Variants in HECW1 observed in about 807,000 individuals in gnomAD.
HECW1 encodes the protein HECT, C2 and WW domain containing E3 ubiquitin protein ligase 1, also known as E3 ubiquitin-protein ligase HECW1.
HECW1 carries 61 observed loss-of-function variants against 182.3 expected under a neutral mutation model. That is an observed-to-expected ratio of 0.33 (90% CI 0.27 to 0.41). HECW1 has a LOEUF of 0.41. Among genes scored for constraint, HECW1 ranks in the 10% least tolerant of loss-of-function variants. HECW1 has a pLI of 1.00. For synonymous variants in HECW1, 859 were observed against 832.6 expected (o/e 1.03, Z -0.55); for missense variants, 1,739 against 2,108.9 (o/e 0.82, Z 3.44).
In HECW1 at chr7:43,432,267, G is replaced by A. The variant is rs979872546; in HGVS notation, c.802-5736G>A. The stretch of plus-strand genomic sequence containing the variant: ...CCATTCTCCTGCCTCAGCCTCCCAA[G>A]TAGCTGGGACTACAGGCGCCCGCCA... On this transcript the variant is annotated intron_variant, in intron 8 of 29. Transcript: ENST00000395891. This position sits in a 1 kb window ranked among gnomAD's most constrained non-coding sequence, Gnocchi z 4.1. Among the ~76,000 whole-genome samples, 1 of 150,556 alleles carries A rather than the reference G, an allele frequency of 6.6e-6. No individual in the cohort carries two copies. The highest frequency in any genetic ancestry group is 1.5e-5 in the Non-Finnish European group (1 of 67,262).
At chr7:43,155,086 G>A (rs1019598238) in intron 2 of HECW1, among the ~76,000 whole-genome samples, 2 of 152,154 alleles carry the variant, frequency 1.3e-5, no homozygotes, top group South Asian at 4.1e-4. Context: ...GTAAATTCAT[G>A]CACCTCCTGA....
intron 2 of HECW1, among the ~76,000 whole-genome samples, chr7:43,159,949 G>A (rs758742956): frequency 6.6e-6 from 1 of 152,122 alleles, no homozygotes; most frequent in Non-Finnish European, 1.5e-5. Context: ...AAAGTGCTGC[G>A]ATTACAGGCG....
At chr7:43,194,710 T>C (rs1301377700) in intron 2 of HECW1, among the ~76,000 whole-genome samples, 2 of 151,864 alleles carry the variant, frequency 1.3e-5, no homozygotes, top group African/African-American at 4.8e-5. Flanking sequence ...TTTTTTTTTT[T>C]TGAGATGGAG....
At chr7:43,408,102 G>A (rs185438599) in intron 8 of HECW1, among the ~76,000 whole-genome samples, 1 of 152,288 alleles carries the variant, frequency 6.6e-6, no homozygotes, top group Non-Finnish European at 1.5e-5. Context: ...GAGCAAGGGT[G>A]TCAAATCTTA....
chr7:43,485,969 AT>A (rs763186476), intron 17 of HECW1, among the ~76,000 whole-genome samples: 1 of 151,936 alleles, frequency 6.6e-6, no homozygotes, highest in Non-Finnish European at 1.5e-5. Flanking sequence ...TTAACTCATC[AT>A]TTACATTAGG....
At chr7:43,385,715 G>T (rs908732215) in intron 6 of HECW1, among the ~76,000 whole-genome samples, 1 of 152,164 alleles carries the variant, frequency 6.6e-6, no homozygotes, top group Non-Finnish European at 1.5e-5. Flanking sequence ...CTACAATCAG[G>T]CAGATATTTC....
chr7:43,320,777 C>T (rs1810008077), intron 5 of HECW1, 35 bp downstream of exon 5: 2 of 1,460,534 alleles, frequency 1.4e-6, no homozygotes, highest in Non-Finnish European at 1.9e-6. Flanking sequence ...GCTTGGCAGA[C>T]ATGGATGAAG....
intron 5 of HECW1, among the ~76,000 whole-genome samples, chr7:43,359,832 G>A (rs906692313): frequency 6.6e-5 from 10 of 152,114 alleles, no homozygotes; most frequent in Non-Finnish European, 1.0e-4. Flanking sequence ...AAATATAAGG[G>A]ACCAAGACAT....
chr7:43,213,594 C>T (rs752885742), intron 2 of HECW1, among the ~76,000 whole-genome samples: 7 of 151,756 alleles, frequency 4.6e-5, no homozygotes, highest in Middle Eastern at 3.4e-3. Context: ...TACAGGCGCC[C>T]GCCACCATGC....
At chr7:43,494,886 TAA>T (rs1162110829) in intron 19 of HECW1, among the ~76,000 whole-genome samples, 1 of 152,148 alleles carries the variant, frequency 6.6e-6, no homozygotes. Flanking sequence ...CATCCTGCAC[TAA>T]GCTTTTCCTT....
chr7:43,469,227 C>T (rs768453207), intron 16 of HECW1, 122 bp downstream of exon 16: 41 of 1,051,564 alleles, frequency 3.9e-5, no homozygotes, highest in Non-Finnish European at 5.7e-5. Context: ...CTATCGGCCG[C>T]CAGCAGTAAA....
chr7:43,444,628 C>T lies in HECW1; in HGVS notation c.1456C>T (p.Pro486Ser), dbSNP rs776316994. ...GEAPASTKEEPLEEEATTQSR... is the reference protein window; with the variant it reads ...GEAPASTKEESLEEEATTQSR... The stretch of plus-strand genomic sequence containing the variant: ...AGCCCCAGCCAGCACCAAGGAGGAG[C>T]CCTTGGAGGAGGAAGCAACGACCCA... Residue 486 changes from proline (P) to serine (S), a missense_variant, in exon 11 of 30, where the codon CCC (proline) becomes TCC (serine). Coordinates refer to ENST00000395891, the MANE Select transcript of HECW1 (RefSeq NM_015052.5). The surrounding 1 kb of genome is among the most constrained non-coding windows in gnomAD (Gnocchi z 4.3). The T allele has an allele frequency of 6.2e-7, 1 of 1,609,432 alleles. No individual in the cohort carries two copies.
chr7:43,241,915 G>C (rs1164664298), intron 2 of HECW1, among the ~76,000 whole-genome samples: 1 of 152,094 alleles, frequency 6.6e-6, no homozygotes, highest in Non-Finnish European at 1.5e-5. Flanking sequence ...GCCAAGGAGT[G>C]GGGGGTGTGG....
At chr7:43,284,052 G>A (rs1255671343) in intron 3 of HECW1, among the ~76,000 whole-genome samples, 6 of 152,028 alleles carry the variant, frequency 3.9e-5, no homozygotes, top group Admixed American at 3.9e-4. Flanking sequence ...CTAATAATGG[G>A]GTCTCCAGCA....
At chr7:43,275,251 A>G (rs1428440928) in intron 3 of HECW1, among the ~76,000 whole-genome samples, 1 of 152,224 alleles carries the variant, frequency 6.6e-6, no homozygotes, top group Non-Finnish European at 1.5e-5. Context: ...TTTATGAAAG[A>G]ATTCTCCTAA....
At chr7:43,189,328 G>C (rs2152682232) in intron 2 of HECW1, among the ~76,000 whole-genome samples, 1 of 152,124 alleles carries the variant, frequency 6.6e-6, no homozygotes, top group Non-Finnish European at 1.5e-5. Flanking sequence ...GGTGAGGGTG[G>C]GGCCTGAGAC....
Position 43,395,416 on chromosome 7 carries a change from C to T in HECW1, c.556-1398C>T, listed in dbSNP as rs575369609. Among the ~76,000 whole-genome samples the T allele has an allele frequency of 1.7e-4, 26 of 152,332 alleles. No individual in the cohort carries two copies. In the East Asian group the frequency reaches 4.4e-3, roughly 26 times the overall value. ...TGTCTCAGCCATAATTTTGCAAAGG[C>T]AGCTTTAAGACAAATGTAAGTTTCA... On this transcript the variant is annotated intron_variant, in intron 6 of 29. Coordinates refer to ENST00000395891, the MANE Select transcript of HECW1 (RefSeq NM_015052.5).
chr7:43,156,865 C>T (rs1214405849), intron 2 of HECW1, among the ~76,000 whole-genome samples: 1 of 152,308 alleles, frequency 6.6e-6, no homozygotes, highest in African/African-American at 2.4e-5. Flanking sequence ...AAGCATGGGT[C>T]AAGCTGAAGC....
rs1400460996 is a variant in HECW1 at position 43,493,075 on chromosome 7, C to G, written c.3341-9C>G. On this transcript the variant is annotated splice_polypyrimidine_tract_variant and intron_variant, in intron 18 of 29. Coordinates refer to ENST00000395891, the MANE Select transcript of HECW1 (RefSeq NM_015052.5). ...GACTCAACCACAACTGTGCTTTTGT[C>G]TGTTTCAGCATATAATGACAAGATT... 1 of 1,602,180 alleles carries G rather than the reference C, an allele frequency of 6.2e-7. No individual in the cohort carries two copies. Among genetic ancestry groups the G allele is most frequent in the Non-Finnish European group, 8.5e-7 (1 of 1,169,986 alleles).
Sources: gnomAD v4.1 joint callset for allele counts (sites outside exome capture counted in the v4.1 genomes callset) on GRCh38, gnomAD v4.1.1 for gene constraint, Gnocchi (gnomAD v3.1) non-coding constraint, MANE v1.5 for transcripts, NCBI Gene and HGNC (gene_info 2026-07-23, HGNC 2026-07-21) for gene names.